Variants in HSD11B2 observed in about 807,000 individuals in gnomAD.
HSD11B2 encodes the protein 11-beta-hydroxysteroid dehydrogenase type 2.
In HSD11B2, 17 loss-of-function variants were observed where a neutral mutation model predicts 20.9. The ratio of observed to expected loss-of-function variants is 0.81; its 90% CI spans 0.56 to 1.22. The LOEUF (loss-of-function observed/expected upper bound fraction) is 1.22, where lower values mean the gene tolerates loss of function less well. HSD11B2 is among the 50% of genes most tolerant of loss of function. The probability of loss-of-function intolerance (pLI) is 0.00; values close to 1 mark genes in which losing one functional copy is unlikely to be tolerated. For synonymous variants in HSD11B2, 253 were observed against 255.4 expected (o/e 0.99, Z 0.09); for missense variants, 480 against 563.6 (o/e 0.85, Z 1.50).
Position 67,435,641 on chromosome 16 carries a change from T to C in HSD11B2, c.279T>C (p.Gly93=). 6.2e-7 allele frequency: 1 copy of C among 1,613,300 alleles called. No individual in the cohort carries two copies. Among genetic ancestry groups the C allele is most frequent in the Non-Finnish European group, 8.5e-7 (1 of 1,179,856 alleles). Residue 93 remains glycine (G), a synonymous_variant, in exon 2 of 5, where the codon GGT becomes GGC. Coordinates refer to ENST00000326152, the MANE Select transcript of HSD11B2 (RefSeq NM_000196.4). The part of the protein sequence containing the change: ...RAVLITGCDS[G]FGKETAKKLD... ...TGGCCTGGCCAGGCTGTGACTCTGG[T>C]TTTGGCAAGGAGACGGCCAAGAAAC...
intron 1 of HSD11B2, among the ~76,000 whole-genome samples, chr16:67,434,832 G>T (rs1201382709): frequency 6.6e-6 from 1 of 152,176 alleles, no homozygotes; most frequent in Non-Finnish European, 1.5e-5. Context: ...TTAGAGACCA[G>T]CCTGACCAAC....
At chr16:67,431,561 G>T (rs2040933811) in intron 1 of HSD11B2, 48 bp downstream of exon 1, 2 of 1,304,352 alleles carry the variant, frequency 1.5e-6, no homozygotes, top group Admixed American at 3.7e-5. Context: ...TCGAGGGCGG[G>T]ACTGGACACT....
At position 67,431,268 on chromosome 16, in the gene HSD11B2, C is replaced by A. The variant is rs1393238231; in HGVS notation, c.20C>A (p.Pro7Gln). 1.2e-5 allele frequency: 15 copies of A among 1,262,552 alleles called. No homozygotes were observed. Among genetic ancestry groups the A allele is most frequent in the Non-Finnish European group, 1.5e-5 (15 of 993,712 alleles). The allele number at this position is 1,262,552 out of a possible 1,614,324, so 78.2% of individuals were successfully genotyped here. A position where few individuals can be genotyped will look rare whatever the true frequency, so the allele number is the denominator to read the frequency against. Residue 7 changes from proline to glutamine, a missense_variant, in exon 1 of 5, where the codon CCG (proline) becomes CAG (glutamine). By Grantham distance (76) the Pro-to-Gln change is moderately conservative. Transcript: ENST00000326152. The part of the protein sequence containing the change: MERWPW[P>Q]SGGAWLLVAA... ...GCCGCCATGGAGCGCTGGCCTTGGC[C>A]GTCGGGCGGCGCCTGGCTGCTCGTG...
At position 67,436,585 on chromosome 16, in the gene HSD11B2, CAG is replaced by C; in HGVS notation, c.803_804del. 1.9e-6 allele frequency: 3 copies of C among 1,614,110 alleles called. No homozygotes were observed. The South Asian group carries it at 3.3e-5, about 18-fold the overall frequency. ...CACTCTGACCTTGCCACTCCTTCCC[CAG>C]AGTCAGTGAGAAACGTGGGTCAGTG... On this transcript the variant is annotated splice_acceptor_variant, in intron 4 of 4. Coordinates refer to ENST00000326152, the MANE Select transcript of HSD11B2 (RefSeq NM_000196.4). LOFTEE classifies it high-confidence loss of function. This position sits in a 1 kb window ranked among gnomAD's most constrained non-coding sequence, Gnocchi z 5.7.
intron 1 of HSD11B2, among the ~76,000 whole-genome samples, chr16:67,432,477 A>G (rs1464962674): frequency 6.6e-6 from 1 of 152,186 alleles, no homozygotes; most frequent in Admixed American, 6.5e-5. Context: ...CTGTGTGATC[A>G]GATGGGGCTG....
intron 1 of HSD11B2, 175 bp from the exon 2 acceptor site, chr16:67,435,453 C>T (rs2040962539): frequency 2.9e-6 from 2 of 696,134 alleles, no homozygotes; most frequent in East Asian, 2.7e-5. Context: ...GCCCAGGGCT[C>T]AGCTAGAGGG....
Position 67,437,122 on chromosome 16 carries a change from T to G in HSD11B2, c.*119T>G. Reference sequence around the variant, plus strand: ...GTGTCCTGGACCCTGGCCTAAAGAATCCCACCCCCACTTCATGCCCACTGC... The same window carrying G: ...GTGTCCTGGACCCTGGCCTAAAGAAGCCCACCCCCACTTCATGCCCACTGC... On this transcript the variant is annotated 3_prime_UTR_variant, in exon 5 of 5. Coordinates refer to ENST00000326152, the MANE Select transcript of HSD11B2 (RefSeq NM_000196.4). 9.1e-7 allele frequency: 1 copy of G among 1,101,422 alleles called. No homozygotes were observed. Among genetic ancestry groups the G allele is most frequent in the Non-Finnish European group, 1.3e-6 (1 of 773,412 alleles). The allele number at this position is 1,101,422 out of a possible 1,614,324, so 68.2% of individuals were successfully genotyped here.
intron 1 of HSD11B2, among the ~76,000 whole-genome samples, chr16:67,431,720 G>T (rs2142285039): frequency 6.6e-6 from 1 of 152,368 alleles, no homozygotes; most frequent in East Asian, 1.9e-4. Flanking sequence ...CCGCTGCGGG[G>T]AGTGTTGGAG....
chr16:67,435,693 GCCA>G lies in HSD11B2; in HGVS notation c.334_336del (p.Thr112del), dbSNP rs2040964313. 1.9e-6 allele frequency: 3 copies of G among 1,613,882 alleles called. No homozygotes were observed. Among genetic ancestry groups the G allele is most frequent in the Non-Finnish European group, 2.5e-6 (3 of 1,179,970 alleles). ...GGACTCCATGGGCTTCACGGTGCTG[GCCA>G]CCGTATTGGAGTTGAACAGCCCCGG... On this transcript the variant is annotated inframe_deletion, in exon 2 of 5. Coordinates refer to ENST00000326152, the MANE Select transcript of HSD11B2 (RefSeq NM_000196.4).
intron 1 of HSD11B2, among the ~76,000 whole-genome samples, chr16:67,433,447 G>A (rs1304298209): frequency 6.6e-6 from 1 of 152,072 alleles, no homozygotes; most frequent in Admixed American, 6.5e-5. Context: ...GCACATGTGT[G>A]TGCCAATGGG....
chr16:67,434,149 C>G (rs372181525), intron 1 of HSD11B2, among the ~76,000 whole-genome samples: 8 of 152,210 alleles, frequency 5.3e-5, no homozygotes, highest in African/African-American at 1.7e-4. Flanking sequence ...TAACTGACCT[C>G]GGTCACACTT....
rs1378182077 is a variant in HSD11B2 at position 67,436,023 on chromosome 16, T to A, written c.545T>A (p.Val182Glu). 1 of 1,614,218 alleles carries A rather than the reference T, an allele frequency of 6.2e-7. No individual in the cohort carries two copies. Among genetic ancestry groups the A allele is most frequent in the African/African-American group, 1.3e-5 (1 of 75,058 alleles). Residue 182 changes from valine (V) to glutamate (E), a missense_variant, in exon 3 of 5, where the codon GTG becomes GAG. By Grantham distance (121) the Val-to-Glu change is moderately radical. Transcript: ENST00000326152. The surrounding 1 kb of genome is among the most constrained non-coding windows in gnomAD (Gnocchi z 5.7). ...GTTGCTGATGCGGAGCTGTCTCCAG[T>A]GGCCACTTTCCGTAGCTGCATGGAG... ...EVVADAELSP[V>E]ATFRSCMEVN...
rs1254513298 is a variant in HSD11B2, at chr16:67,431,446, G to T, written c.198G>T (p.Trp66Cys). The T allele has an allele frequency of 1.5e-6, 2 of 1,371,736 alleles. No individual in the cohort carries two copies. The highest frequency in any genetic ancestry group is 1.9e-6 in the Non-Finnish European group (2 of 1,061,414). 85.0% of individuals were successfully genotyped at this position (1,371,736 alleles called of 1,614,324 possible). Residue 66 changes from tryptophan (W) to cysteine (C), a missense_variant, in exon 1 of 5, where the codon TGG becomes TGT. Physicochemically the swap from Trp to Cys is radical, Grantham distance 215. Transcript: ENST00000326152. Reference sequence around the variant, plus strand: ...TCGCCGTGCTGGCCGCCGCCGGCTGGATCGCGTTGTCCCGCCTGGCGCGCC... The same window carrying T: ...TCGCCGTGCTGGCCGCCGCCGGCTGTATCGCGTTGTCCCGCCTGGCGCGCC... ...AALAVLAAAG[W>C]IALSRLARPQ...
At chr16:67,432,261 G>C (rs900232373) in intron 1 of HSD11B2, among the ~76,000 whole-genome samples, 1 of 128,366 alleles carries the variant, frequency 7.8e-6, no homozygotes, top group Non-Finnish European at 1.8e-5. Context: ...GAAGGGGAAG[G>C]GGGGGGGGGG....
chr16:67,436,598 A>C lies in HSD11B2; in HGVS notation c.813A>C (p.Arg271Ser). ...CCACTCCTTCCCCAGAGTCAGTGAG[A>C]AACGTGGGTCAGTGGGAAAAGCGCA... ...QPGCFKTESV[R>S]NVGQWEKRKQ... Residue 271 changes from arginine (R) to serine (S), a missense_variant, in exon 5 of 5, where the codon AGA becomes AGC. By Grantham distance (110) the Arg-to-Ser change is moderately radical. Coordinates refer to ENST00000326152, the MANE Select transcript of HSD11B2 (RefSeq NM_000196.4). This position sits in a 1 kb window ranked among gnomAD's most constrained non-coding sequence, Gnocchi z 5.7. 1 of 1,614,132 alleles carries C rather than the reference A, an allele frequency of 6.2e-7. No individual in the cohort carries two copies. Among genetic ancestry groups the C allele is most frequent in the Non-Finnish European group, 8.5e-7 (1 of 1,180,004 alleles).
chr16:67,435,046 A>AT (rs2040959501), intron 1 of HSD11B2, among the ~76,000 whole-genome samples: 1 of 151,190 alleles, frequency 6.6e-6, no homozygotes, highest in African/African-American at 2.4e-5. Flanking sequence ...AAAAAAAAAA[A>AT]AGAAAAAACC....
In HSD11B2 at chr16:67,435,729, G is replaced by C; in HGVS notation, c.367G>C (p.Glu123Gln). The C allele has an allele frequency of 1.2e-6, 2 of 1,614,048 alleles. No homozygotes were observed. Among genetic ancestry groups the C allele is most frequent in the Non-Finnish European group, 8.5e-7 (1 of 1,180,014 alleles). Residue 123 changes from glutamate to glutamine, a missense_variant, in exon 2 of 5, where the codon GAG becomes CAG. Physicochemically the swap from Glu to Gln is conservative, Grantham distance 29. Around this residue, in one of 2 missense-constraint regions of HSD11B2, gnomAD observed 374 missense variants for 480.9 expected, o/e 0.78. Coordinates refer to ENST00000326152, the MANE Select transcript of HSD11B2 (RefSeq NM_000196.4). ...GGAGTTGAACAGCCCCGGTGCCATC[G>C]AGCTGCGTACCTGCTGCTCCCCTCG... ...VLELNSPGAI[E>Q]LRTCCSPRLR...
At position 67,435,830 on chromosome 16, in the gene HSD11B2, C is replaced by T. The variant is rs5479; in HGVS notation, c.468C>T (p.Thr156=). The change falls in exon 2 of 5, where the codon ACC becomes ACT. Residue 156 remains threonine (T), a synonymous_variant. Transcript: ENST00000326152. ...SRVLEFTKAH[T]TSTGLWGLVN... ...TGCTAGAGTTCACCAAGGCCCACAC[C>T]ACCAGCACCGGTCAGTGGCAAGTGT... 1.9e-6 allele frequency: 3 copies of T among 1,613,912 alleles called. No homozygotes were observed. Among genetic ancestry groups the T allele is most frequent in the Non-Finnish European group, 2.5e-6 (3 of 1,180,040 alleles).
Position 67,436,193 on chromosome 16 carries a change from G to A in HSD11B2, c.664+51G>A, listed in dbSNP as rs1358301334. ...AAAAGGAGCCCCCTGGGGTGGGGGAGGGCTTAGGGAGCCCCTTGCCAAAGC... is the reference window on the plus strand; with the variant it reads ...AAAAGGAGCCCCCTGGGGTGGGGGAAGGCTTAGGGAGCCCCTTGCCAAAGC... On this transcript the variant is annotated intron_variant, in intron 3 of 4. Coordinates refer to ENST00000326152, the MANE Select transcript of HSD11B2 (RefSeq NM_000196.4). This position sits in a 1 kb window ranked among gnomAD's most constrained non-coding sequence, Gnocchi z 5.7. 6.2e-7 allele frequency: 1 copy of A among 1,613,720 alleles called. No individual in the cohort carries two copies. Among genetic ancestry groups the A allele is most frequent in the African/African-American group, 1.3e-5 (1 of 74,912 alleles).
Sources: allele counts gnomAD v4.1 joint callset (sites outside exome capture counted in the v4.1 genomes callset), GRCh38; gene constraint gnomAD v4.1.1; regional missense constraint gnomAD v4.1.1; non-coding constraint Gnocchi (gnomAD v3.1); transcripts MANE v1.5; gene names NCBI Gene and HGNC (gene_info 2026-07-23, HGNC 2026-07-21).